GEMIN5: variants seen among roughly 807,000 people sequenced by gnomAD.
GEMIN5 encodes the protein gem nuclear organelle associated protein 5.
In GEMIN5, 124 loss-of-function variants were observed where a neutral mutation model predicts 176.9. That is an observed-to-expected ratio of 0.70 (90% CI 0.61 to 0.81). The LOEUF (loss-of-function observed/expected upper bound fraction) is 0.81, where lower values mean the gene tolerates loss of function less well. Among genes scored for constraint, GEMIN5 ranks in the 40% least tolerant of loss-of-function variants. The pLI is 0.00. For missense variants in GEMIN5, 1,843 were observed against 1,814.6 expected (o/e 1.02, Z -0.28); for synonymous variants, 673 against 665.2 (o/e 1.01, Z -0.18).
chr5:154,923,277 G>A (rs542212146), intron 9 of GEMIN5, among the ~76,000 whole-genome samples: 1 of 152,234 alleles, frequency 6.6e-6, no homozygotes, highest in South Asian at 2.1e-4. Context: ...CTACTCAGGA[G>A]GCTGAGGCAG....
chr5:154,903,597 T>C (rs1425838268), intron 18 of GEMIN5, among the ~76,000 whole-genome samples: 1 of 152,120 alleles, frequency 6.6e-6, no homozygotes, highest in Non-Finnish European at 1.5e-5. Context: ...ATGTATATAA[T>C]AAAAGCATAA....
At chr5:154,905,114 A>C (rs1275342854) in intron 17 of GEMIN5, among the ~76,000 whole-genome samples, 1 of 152,156 alleles carries the variant, frequency 6.6e-6, no homozygotes, top group African/African-American at 2.4e-5. Flanking sequence ...GGATCGCTTG[A>C]GCCCGGGAAG....
intron 24 of GEMIN5, among the ~76,000 whole-genome samples, chr5:154,893,387 C>T (rs816734): frequency 0.34 from 51,370 of 150,506 alleles, 9,985 homozygotes; most frequent in East Asian, 0.88. Flanking sequence ...CCACTACACC[C>T]GAGCCTGGGT....
rs756304882 is a variant in GEMIN5, at chr5:154,928,554, G to A, written c.887C>T (p.Pro296Leu). The change falls in exon 6 of 28, where the codon CCA (proline) becomes CTA (leucine). Residue 296 changes from proline to leucine, a missense_variant. Coordinates refer to ENST00000285873, the MANE Select transcript of GEMIN5 (RefSeq NM_015465.5). ...AAAACAGCTAGATACCAGCTGTGTT[G>A]GTTGATTGCTGGGCCAATGGAGTGT... ...WLTLHWPSNQPTQLVSSCFGG... is the reference protein window; with the variant it reads ...WLTLHWPSNQLTQLVSSCFGG... The A allele has an allele frequency of 5.0e-6, 8 of 1,614,094 alleles. No homozygotes were observed. The highest frequency in any genetic ancestry group is 2.2e-5 in the East Asian group (1 of 44,880).
At chr5:154,934,069 G>A (rs1341962809) in intron 3 of GEMIN5, among the ~76,000 whole-genome samples, 1 of 152,076 alleles carries the variant, frequency 6.6e-6, no homozygotes, top group African/African-American at 2.4e-5. Flanking sequence ...AGGCTGGAGT[G>A]CAGTGGTGCA....
intron 15 of GEMIN5, among the ~76,000 whole-genome samples, chr5:154,909,761 C>T (rs1763655310): frequency 6.6e-6 from 1 of 152,066 alleles, no homozygotes; most frequent in Non-Finnish European, 1.5e-5. Flanking sequence ...GGCAGATCAT[C>T]TGAGGTCAAG....
In GEMIN5 at chr5:154,889,401, C is replaced by T. The variant is rs182269175; in HGVS notation, c.4279G>A (p.Glu1427Lys). 1.9e-6 allele frequency: 3 copies of T among 1,606,454 alleles called. No homozygotes were observed. The highest frequency in any genetic ancestry group is 2.2e-5 in the South Asian group (2 of 90,902). The change falls in exon 27 of 28, where the codon GAG becomes AAG. Residue 1427 changes from glutamate to lysine, a missense_variant. By Grantham distance (56) the Glu-to-Lys change is moderately conservative. Transcript: ENST00000285873. Reference sequence around the variant, plus strand: ...GTTAACTCAGGCAGAGAAAGTGGCTCATTTTTTTCTTCTTTACTAGTGAAA... The same window carrying T: ...GTTAACTCAGGCAGAGAAAGTGGCTTATTTTTTTCTTCTTTACTAGTGAAA... ...SQSQCKEEKNEPLSLPELTKR... is the reference protein window; with the variant it reads ...SQSQCKEEKNKPLSLPELTKR...
intron 21 of GEMIN5, among the ~76,000 whole-genome samples, chr5:154,899,681 G>A (rs1406289024): frequency 6.6e-6 from 1 of 152,100 alleles, no homozygotes; most frequent in Non-Finnish European, 1.5e-5. Flanking sequence ...TGGGAAACCT[G>A]GCATCTAAGA....
intron 15 of GEMIN5, among the ~76,000 whole-genome samples, chr5:154,910,313 TA>T (rs199906317): frequency 1.5e-4 from 22 of 149,628 alleles, no homozygotes; most frequent in African/African-American, 3.2e-4. Flanking sequence ...TCATTTAAAA[TA>T]AAAAAAAAAC....
intron 15 of GEMIN5, among the ~76,000 whole-genome samples, chr5:154,910,074 T>C (rs1276736797): frequency 6.6e-6 from 1 of 152,014 alleles, no homozygotes; most frequent in Non-Finnish European, 1.5e-5. Context: ...TTTTCTAGAT[T>C]CATCCATTTT....
At chr5:154,916,963 G>A (rs1763822389) in intron 13 of GEMIN5, 35 bp downstream of exon 13, 3 of 1,211,334 alleles carry the variant, frequency 2.5e-6, no homozygotes, top group Admixed American at 2.4e-5. Context: ...CTGAACAAAC[G>A]ATATCATCCC....
In GEMIN5 at chr5:154,891,481, A is replaced by G; in HGVS notation, c.4022T>C (p.Leu1341Pro). 1 of 1,614,136 alleles carries G rather than the reference A, an allele frequency of 6.2e-7. No homozygotes were observed. Among genetic ancestry groups the G allele is most frequent in the Non-Finnish European group, 8.5e-7 (1 of 1,180,020 alleles). The part of the protein sequence containing the change: ...SQPEPNRPSE[L>P]DLRLTEEGER... ...ACCTTCTTCTGTGAGTCTCAAGTCTAGTTCTGAAGGCCTGTTTGGCTCTGG... is the reference window on the plus strand; with the variant it reads ...ACCTTCTTCTGTGAGTCTCAAGTCTGGTTCTGAAGGCCTGTTTGGCTCTGG... Residue 1341 changes from leucine (L) to proline (P), a missense_variant, in exon 26 of 28, where the codon CTA (leucine) becomes CCA (proline). Transcript: ENST00000285873.
At chr5:154,900,562 A>G (rs1763441602) in intron 21 of GEMIN5, among the ~76,000 whole-genome samples, 1 of 152,192 alleles carries the variant, frequency 6.6e-6, no homozygotes, top group Non-Finnish European at 1.5e-5. Context: ...TTCTGCCCAA[A>G]GCCATTTTCC....
intron 5 of GEMIN5, among the ~76,000 whole-genome samples, chr5:154,929,786 C>A (rs1305090146): frequency 1.3e-5 from 2 of 152,220 alleles, no homozygotes; most frequent in Non-Finnish European, 2.9e-5. Flanking sequence ...TAGTTACCTA[C>A]CACTGATGAA....
intron 9 of GEMIN5, among the ~76,000 whole-genome samples, 190 bp downstream of exon 9, chr5:154,924,279 G>T (rs556183172): frequency 1.3e-5 from 2 of 152,310 alleles, no homozygotes; most frequent in South Asian, 4.1e-4. Context: ...AGGGAAATGA[G>T]TTAGAAGCTA....
At chr5:154,921,053 G>A (rs1763911435) in intron 10 of GEMIN5, among the ~76,000 whole-genome samples, 1 of 152,036 alleles carries the variant, frequency 6.6e-6, no homozygotes, top group Non-Finnish European at 1.5e-5. Flanking sequence ...TATTAGACTG[G>A]GTATCAGGAC....
intron 15 of GEMIN5, among the ~76,000 whole-genome samples, chr5:154,908,312 C>G (rs1218879418): frequency 2.6e-5 from 4 of 151,212 alleles, no homozygotes; most frequent in Non-Finnish European, 4.4e-5. Flanking sequence ...TCCTGAGTAG[C>G]TGGGATTACA....
chr5:154,890,776 T>A (rs974483819), intron 26 of GEMIN5, among the ~76,000 whole-genome samples: 2 of 152,290 alleles, frequency 1.3e-5, no homozygotes, highest in Non-Finnish European at 2.9e-5. Context: ...TTTATTTGTA[T>A]TTTTTGAGAT....
In GEMIN5 at chr5:154,887,539, A is replaced by G. The variant is rs1763135090; in HGVS notation, c.*671T>C. ...TTTGACTGCCATCAATCCATTTGTTATAAAACTGAAGGGAAAACACACATT... is the reference window on the plus strand; with the variant it reads ...TTTGACTGCCATCAATCCATTTGTTGTAAAACTGAAGGGAAAACACACATT... On this transcript the variant is annotated 3_prime_UTR_variant, in exon 28 of 28. Transcript: ENST00000285873. The G allele has an allele frequency of 6.6e-6, 1 of 152,222 alleles. No homozygotes were observed. The highest frequency in any genetic ancestry group is 2.4e-5 in the African/African-American group (1 of 41,454). The allele number at this position is 152,222 out of a possible 1,614,324, so 9.4% of individuals were successfully genotyped here.
Sources: allele counts gnomAD v4.1 joint callset (sites outside exome capture counted in the v4.1 genomes callset), GRCh38; gene constraint gnomAD v4.1.1; transcripts MANE v1.5; gene names NCBI Gene and HGNC (gene_info 2026-07-23, HGNC 2026-07-21).